Variants in PRELID2 observed in about 807,000 individuals in gnomAD.
PRELID2 encodes the protein PRELI domain containing 2.
A neutral mutation model predicts 28.4 loss-of-function variants in PRELID2; 25 were observed. That is an observed-to-expected ratio of 0.88 (90% CI 0.64 to 1.23). The LOEUF (loss-of-function observed/expected upper bound fraction) is 1.23, where lower values mean the gene tolerates loss of function less well. Among genes scored for constraint, PRELID2 ranks in the 50% most tolerant of loss-of-function variants. The pLI is 0.00. For synonymous variants in PRELID2, 76 were observed against 71.6 expected, an observed-to-expected ratio of 1.06 and a Z score of -0.31; for missense variants, 201 against 214.4, an observed-to-expected ratio of 0.94 and a Z score of 0.39.
rs76608825 is a variant in PRELID2, at chr5:145,495,626, A to T, written n.71-22311T>A. Among the ~76,000 whole-genome samples, 744 of 152,312 alleles carry T rather than the reference A, an allele frequency of 4.9e-3. 9 individuals are homozygous for T. Among genetic ancestry groups the T allele is most frequent in the African/African-American group, 0.016 (679 of 41,580 alleles). The stretch of plus-strand genomic sequence containing the variant: ...TTACATCTTAGAAGATTCTTTAGAA[A>T]TTCTCACAGCCCTAGTTTCCTCAGC... On this transcript the variant is annotated intron_variant and non_coding_transcript_variant, in intron 1 of 2. Transcript: ENST00000510259.
chr5:145,393,677 G>A, the PRELID2 span, among the ~76,000 whole-genome samples: 2 of 152,206 alleles, frequency 1.3e-5, no homozygotes, highest in Non-Finnish European at 2.9e-5. Context: ...GATTGGCTGA[G>A]ATTCAACTAC....
intron 1 of PRELID2, among the ~76,000 whole-genome samples, chr5:145,742,696 AAAG>A (rs1291539245): frequency 6.6e-6 from 1 of 151,162 alleles, no homozygotes; most frequent in East Asian, 2.0e-4. Flanking sequence ...AGATCAAGAA[AAAG>A]AAGAGAAAAT....
intron 1 of PRELID2, among the ~76,000 whole-genome samples, chr5:145,750,230 T>C (rs1757091728): frequency 1.3e-5 from 2 of 152,060 alleles, no homozygotes; most frequent in Admixed American, 6.6e-5. Flanking sequence ...CTTCTAGAGA[T>C]TGCTGAGTGT....
chr5:145,641,598 G>A (rs530902321), intron 1 of PRELID2, among the ~76,000 whole-genome samples: 2 of 152,324 alleles, frequency 1.3e-5, no homozygotes, highest in Non-Finnish European at 2.9e-5. Context: ...TGCCATGGTG[G>A]TTTGCTGCAC....
At chr5:145,761,621 G>A (rs1448702337) in intron 6 of PRELID2, among the ~76,000 whole-genome samples, 1 of 152,186 alleles carries the variant, frequency 6.6e-6, no homozygotes, top group African/African-American at 2.4e-5. Flanking sequence ...GGACCAGACA[G>A]TAAATATTAT....
the PRELID2 span, among the ~76,000 whole-genome samples, chr5:145,428,618 G>T: frequency 6.6e-6 from 1 of 152,066 alleles, no homozygotes; most frequent in South Asian, 2.1e-4. Context: ...CACCAACATG[G>T]CACATGTATA....
At chr5:145,240,638 C>A in the PRELID2 span, among the ~76,000 whole-genome samples, 285 of 151,976 alleles carry the variant, frequency 1.9e-3, no homozygotes, top group African/African-American at 6.5e-3. Context: ...CTACGTACAA[C>A]TTCTTGTATT....
the PRELID2 span, among the ~76,000 whole-genome samples, chr5:145,263,319 C>A: frequency 6.6e-6 from 1 of 151,950 alleles, no homozygotes; most frequent in African/African-American, 2.4e-5. Flanking sequence ...TAATACCATA[C>A]CCTGGAAAAA....
intron 5 of PRELID2, among the ~76,000 whole-genome samples, chr5:145,769,812 C>A (rs1407189445): frequency 6.6e-6 from 1 of 152,122 alleles, no homozygotes; most frequent in Non-Finnish European, 1.5e-5. Flanking sequence ...AGACAAGAAG[C>A]CTGCACTCAA....
intron 1 of PRELID2, among the ~76,000 whole-genome samples, chr5:145,504,339 TA>T (rs1487641501): frequency 6.6e-6 from 1 of 152,208 alleles, no homozygotes; most frequent in Non-Finnish European, 1.5e-5. Flanking sequence ...GGACTTTTAT[TA>T]GAGTAACTGG....
intron 1 of PRELID2, among the ~76,000 whole-genome samples, chr5:145,704,979 A>G (rs1254864229): frequency 6.6e-6 from 1 of 152,156 alleles, no homozygotes; most frequent in Non-Finnish European, 1.5e-5. Flanking sequence ...GTTGCAGGGC[A>G]AATCCCCTAT....
intron 1 of PRELID2, among the ~76,000 whole-genome samples, chr5:145,672,987 G>C (rs943115045): frequency 6.6e-6 from 1 of 152,116 alleles, no homozygotes; most frequent in African/African-American, 2.4e-5. Context: ...GGACAACCAA[G>C]CACCTATGTT....
chr5:145,709,444 T>C (rs1755631525), intron 1 of PRELID2, among the ~76,000 whole-genome samples: 1 of 152,162 alleles, frequency 6.6e-6, no homozygotes, highest in African/African-American at 2.4e-5. Context: ...TCCAGATCCA[T>C]CTGCAGTTAT....
downstream of PRELID2, chr5:145,754,238 T>G (rs984540045): frequency 1.3e-5 from 2 of 152,184 alleles, no homozygotes; most frequent in African/African-American, 4.8e-5. Context: ...AGAGAAGCTA[T>G]TATCTCACCA....
chr5:145,342,941 T>A, the PRELID2 span, among the ~76,000 whole-genome samples: 57 of 142,366 alleles, frequency 4.0e-4, no homozygotes, highest in African/African-American at 1.3e-3. Context: ...CTTATAATGA[T>A]AAAGGGATCA....
At chr5:145,546,839 G>A (rs2126677409) in intron 1 of PRELID2, among the ~76,000 whole-genome samples, 1 of 152,236 alleles carries the variant, frequency 6.6e-6, no homozygotes, top group African/African-American at 2.4e-5. Context: ...TCATACTGGA[G>A]AGGAAAGTAA....
chr5:145,596,099 C>CAAAAAAAAAAAAAAAAAAAAAAAAAAA (rs552746530), intron 1 of PRELID2, among the ~76,000 whole-genome samples: 6 of 43,968 alleles, frequency 1.4e-4, no homozygotes, highest in African/African-American at 5.8e-4. Context: ...GAGCCTGTCT[C>CAAAAAAAAAAAAAAAAAAAAAAAAAAA]AAAAAAAAAA....
At chr5:145,764,038 A>G (rs1221886549) in intron 6 of PRELID2, among the ~76,000 whole-genome samples, 1 of 151,792 alleles carries the variant, frequency 6.6e-6, no homozygotes, top group Non-Finnish European at 1.5e-5. Flanking sequence ...GGCTGCAGTG[A>G]GCCGAGATCA....
intron 1 of PRELID2, 58 bp downstream of exon 1, chr5:145,835,117 GGA>G: frequency 8.4e-7 from 1 of 1,196,454 alleles, no homozygotes; most frequent in East Asian, 2.6e-5. Context: ...ATGAAGGAGA[GGA>G]GAGAGGGGCA....
Sources: gnomAD v4.1 joint callset for allele counts (sites outside exome capture counted in the v4.1 genomes callset) on GRCh38, gnomAD v4.1.1 for gene constraint, MANE v1.5 for transcripts, NCBI Gene and HGNC (gene_info 2026-07-23, HGNC 2026-07-21) for gene names.